The following MAPK8IP1 variants were observed in gnomAD, a reference collection of about 807,000 sequenced individuals.
MAPK8IP1 encodes the protein mitogen-activated protein kinase 8 interacting protein 1.
A neutral mutation model predicts 72.6 loss-of-function variants in MAPK8IP1; 17 were observed. That is an observed-to-expected ratio of 0.23 (90% CI 0.16 to 0.35). MAPK8IP1 has a LOEUF of 0.35. Ranked by LOEUF, MAPK8IP1 falls within the 10% of genes least tolerant of loss-of-function variation. MAPK8IP1 has a pLI of 1.00. For missense variants in MAPK8IP1, 789 were observed against 1,009.7 expected, an observed-to-expected ratio of 0.78 and a Z score of 2.96; for synonymous variants, 401 against 443.4, an observed-to-expected ratio of 0.90 and a Z score of 1.20.
chr11:45,885,815 C>G lies in MAPK8IP1; in HGVS notation c.-6C>G. 7.0e-7 allele frequency: 1 copy of G among 1,420,656 alleles called. No homozygotes were observed. The highest frequency in any genetic ancestry group is 9.2e-7 in the Non-Finnish European group (1 of 1,085,668). 88.0% of individuals were successfully genotyped at this position (1,420,656 alleles called of 1,614,324 possible). A position where few individuals can be genotyped will look rare whatever the true frequency, so the allele number is the denominator to read the frequency against. On this transcript the variant is annotated 5_prime_UTR_variant, in exon 1 of 12. Transcript: ENST00000241014. ...TCCGCCCGGATGGCCAGGGCTGTGC[C>G]CGAGAATGGCGGAGCGAGAAAGCGG...
intron 1 of MAPK8IP1, chr11:45,896,410 C>T: frequency 2.1e-6 from 1 of 478,104 alleles, no homozygotes; most frequent in Non-Finnish European, 2.8e-6. Flanking sequence ...GGGAACTGGC[C>T]CTTTAAAGCC....
intron 1 of MAPK8IP1, among the ~76,000 whole-genome samples, chr11:45,896,153 T>G (rs904882577): frequency 1.3e-5 from 2 of 152,180 alleles, no homozygotes; most frequent in African/African-American, 4.8e-5. Context: ...GCCCAAACAC[T>G]GGCCTGCCCT....
rs1230049423 is a variant in MAPK8IP1 at position 45,905,649 on chromosome 11, G to A, written c.2064G>A (p.Gly688=). The A allele has an allele frequency of 6.2e-7, 1 of 1,613,634 alleles. No individual in the cohort carries two copies. Among genetic ancestry groups the A allele is most frequent in the East Asian group, 2.2e-5 (1 of 44,894 alleles). Reference sequence around the variant, plus strand: ...CATCTGTGTGTCCCCTGGCTTCTAGGAGAGCATTCCAGCAGTTCTACAAGC... The same window carrying A: ...CATCTGTGTGTCCCCTGGCTTCTAGAAGAGCATTCCAGCAGTTCTACAAGC... The part of the protein sequence containing the change: ...DSTKALAESV[G]RAFQQFYKQF... Residue 688 remains glycine, a splice_region_variant and synonymous_variant, in exon 12 of 12, where the codon GGG becomes GGA. Transcript: ENST00000241014.
chr11:45,900,029 T>A lies in MAPK8IP1; in HGVS notation c.208-109T>A. 2.9e-6 allele frequency: 2 copies of A among 690,806 alleles called. No homozygotes were observed. Among genetic ancestry groups the A allele is most frequent in the Non-Finnish European group, 3.8e-6 (2 of 525,514 alleles). 42.8% of individuals were successfully genotyped at this position (690,806 alleles called of 1,614,324 possible). ...TCCGGCGGCCCCTGCTCGGCTCCCCTCGTGCCCCCTTCGCGCCACAGAATG... is the reference window on the plus strand; with the variant it reads ...TCCGGCGGCCCCTGCTCGGCTCCCCACGTGCCCCCTTCGCGCCACAGAATG... On this transcript the variant is annotated intron_variant, in intron 2 of 11. Coordinates refer to ENST00000241014, the MANE Select transcript of MAPK8IP1 (RefSeq NM_005456.4). This position sits in a 1 kb window ranked among gnomAD's most constrained non-coding sequence, Gnocchi z 6.5.
At chr11:45,905,513 G>T in intron 11 of MAPK8IP1, 136 bp from the exon 12 acceptor site, 1 of 845,726 alleles carries the variant, frequency 1.2e-6, no homozygotes, top group East Asian at 2.4e-5. Flanking sequence ...GTAGAGAACA[G>T]AGCCAAGTGG....
intron 1 of MAPK8IP1, 106 bp from the exon 2 acceptor site, chr11:45,897,979 G>T (rs1312866707): frequency 4.2e-6 from 3 of 716,688 alleles, no homozygotes; most frequent in Non-Finnish European, 7.7e-6. Context: ...TGTCCTCTGG[G>T]GGCTGTGTTT....
chr11:45,897,905 A>G (rs1454925335), intron 1 of MAPK8IP1, among the ~76,000 whole-genome samples, 180 bp from the exon 2 acceptor site: 2 of 152,154 alleles, frequency 1.3e-5, no homozygotes, highest in Non-Finnish European at 2.9e-5. Context: ...TTTTGGCACA[A>G]GCCCCTCGCT....
At position 45,898,236 on chromosome 11, in the gene MAPK8IP1, C is replaced by T. The variant is rs1222434664; in HGVS notation, c.207+46C>T. The T allele has an allele frequency of 4.5e-6, 6 of 1,342,938 alleles. No individual in the cohort carries two copies. In the African/African-American group the frequency reaches 8.6e-5, roughly 19 times the overall value. The allele number at this position is 1,342,938 out of a possible 1,614,324, so 83.2% of individuals were successfully genotyped here. A position where few individuals can be genotyped will look rare whatever the true frequency, so the allele number is the denominator to read the frequency against. ...GCTCCTGAGTGGGGTGGCAGGAAGGCTAGGGACAGGGGTAAGGGTATCCCC... is the reference window on the plus strand; with the variant it reads ...GCTCCTGAGTGGGGTGGCAGGAAGGTTAGGGACAGGGGTAAGGGTATCCCC... On this transcript the variant is annotated intron_variant, in intron 2 of 11. Transcript: ENST00000241014.
intron 1 of MAPK8IP1, among the ~76,000 whole-genome samples, chr11:45,895,634 AT>A (rs370307076): frequency 0.67 from 76,473 of 113,800 alleles, 27,437 homozygotes; most frequent in Non-Finnish European, 0.75. Context: ...AAAAAAAAAA[AT>A]ATATATATAT....
intron 11 of MAPK8IP1, 86 bp downstream of exon 11, chr11:45,905,335 C>A: frequency 7.8e-7 from 1 of 1,276,646 alleles, no homozygotes; most frequent in Non-Finnish European, 1.1e-6. Context: ...CTCAGCTTTG[C>A]CCCTCGGTTT....
At chr11:45,890,579 G>A (rs986613042) in intron 1 of MAPK8IP1, among the ~76,000 whole-genome samples, 28 of 152,268 alleles carry the variant, frequency 1.8e-4, no homozygotes, top group African/African-American at 5.8e-4. Context: ...AAGAAGGAGG[G>A]ACAGGTTCAG....
Position 45,905,704 on chromosome 11 carries a change from G to A in MAPK8IP1, c.2119G>A (p.Asp707Asn). ...QFVEYTCPTE[D>N]IYLE ...TGTGGAGTACACCTGCCCCACAGAAGATATCTACCTGGAGTAGCTGTGCAG... is the reference window on the plus strand; with the variant it reads ...TGTGGAGTACACCTGCCCCACAGAAAATATCTACCTGGAGTAGCTGTGCAG... The change falls in exon 12 of 12, where the codon GAT becomes AAT. Residue 707 changes from aspartate (D) to asparagine (N), a missense_variant. Around this residue, in one of 4 missense-constraint regions of MAPK8IP1, gnomAD observed 188 missense variants for 293.3 expected, o/e 0.64. Coordinates refer to ENST00000241014, the MANE Select transcript of MAPK8IP1 (RefSeq NM_005456.4). The A allele has an allele frequency of 6.2e-7, 1 of 1,613,870 alleles. No individual in the cohort carries two copies. Among genetic ancestry groups the A allele is most frequent in the Non-Finnish European group, 8.5e-7 (1 of 1,179,862 alleles).
At chr11:45,887,307 A>G (rs1219549592) in intron 1 of MAPK8IP1, among the ~76,000 whole-genome samples, 5 of 152,156 alleles carry the variant, frequency 3.3e-5, no homozygotes, top group Admixed American at 2.0e-4. Flanking sequence ...TCTTGCCTGG[A>G]AAGGAGAAAA....
Position 45,903,404 on chromosome 11 carries a change from G to A in MAPK8IP1, c.1457G>A (p.Gly486Glu). 6.2e-7 allele frequency: 1 copy of A among 1,613,442 alleles called. No individual in the cohort carries two copies. The highest frequency in any genetic ancestry group is 8.5e-7 in the Non-Finnish European group (1 of 1,180,012). The part of the protein sequence containing the change: ...SFGLFSCIIN[G>E]EEQEQTHRAI... ...GGGCTGTTCTCCTGCATCATCAACGGGGAGGAGCAGGAGCAGACCCACCGG... is the reference window on the plus strand; with the variant it reads ...GGGCTGTTCTCCTGCATCATCAACGAGGAGGAGCAGGAGCAGACCCACCGG... Residue 486 changes from glycine to glutamate, a missense_variant, in exon 6 of 12, where the codon GGG (glycine) becomes GAG (glutamate). Transcript: ENST00000241014. This position sits in a 1 kb window ranked among gnomAD's most constrained non-coding sequence, Gnocchi z 6.4.
chr11:45,886,148 T>C (rs1000053291), intron 1 of MAPK8IP1, among the ~76,000 whole-genome samples: 7 of 152,178 alleles, frequency 4.6e-5, no homozygotes, highest in African/African-American at 7.2e-5. Context: ...CCATTCCTGG[T>C]CCTAGGCTGG....
At position 45,904,170 on chromosome 11, in the gene MAPK8IP1, C is replaced by A. The variant is rs902113957; in HGVS notation, c.1666+9C>A. ...GCCCGAGCACATGGCAGGTAGTGTT[C>A]CCTCCCTGGCCTGTGCCCCCAGCCA... On this transcript the variant is annotated intron_variant, in intron 7 of 11. Coordinates refer to ENST00000241014, the MANE Select transcript of MAPK8IP1 (RefSeq NM_005456.4). The surrounding 1 kb of genome is among the most constrained non-coding windows in gnomAD (Gnocchi z 6.4). The A allele has an allele frequency of 2.5e-6, 4 of 1,612,442 alleles. No homozygotes were observed. The highest frequency in any genetic ancestry group is 2.2e-5 in the East Asian group (1 of 44,834).
At position 45,900,005 on chromosome 11, in the gene MAPK8IP1, C is replaced by T. The variant is rs554393682; in HGVS notation, c.208-133C>T. On this transcript the variant is annotated intron_variant, in intron 2 of 11. Coordinates refer to ENST00000241014, the MANE Select transcript of MAPK8IP1 (RefSeq NM_005456.4). The surrounding 1 kb of genome is among the most constrained non-coding windows in gnomAD (Gnocchi z 6.5). ...CGGACGGGCGAGAGCGCCCCAGTCT[C>T]CGGCGGCCCCTGCTCGGCTCCCCTC... 3.9e-4 allele frequency: 188 copies of T among 476,246 alleles called. 2 individuals are homozygous for T. The highest frequency in any genetic ancestry group is 3.6e-3 in the African/African-American group (174 of 48,440). 29.5% of individuals were successfully genotyped at this position (476,246 alleles called of 1,614,324 possible).
At chr11:45,895,645 T>A (rs770114059) in intron 1 of MAPK8IP1, among the ~76,000 whole-genome samples, 2,085 of 137,384 alleles carry the variant, frequency 0.015, 87 homozygotes, top group Non-Finnish European at 0.02. Flanking sequence ...TATATATATA[T>A]ATATATATAT....
At chr11:45,896,490 A>G (rs1195480756) in intron 1 of MAPK8IP1, 11 of 1,003,194 alleles carry the variant, frequency 1.1e-5, no homozygotes, top group East Asian at 7.9e-5. Context: ...TGGGCCAGGG[A>G]GGGGGGGCCA....
Sources: allele counts gnomAD v4.1 joint callset (sites outside exome capture counted in the v4.1 genomes callset), GRCh38; gene constraint gnomAD v4.1.1; regional missense constraint gnomAD v4.1.1; non-coding constraint Gnocchi (gnomAD v3.1); transcripts MANE v1.5; gene names NCBI Gene and HGNC (gene_info 2026-07-23, HGNC 2026-07-21).